Variants in SLC35F4 observed in about 807,000 individuals in gnomAD.
SLC35F4 encodes solute carrier family 35 member F4.
SLC35F4 carries 24 observed loss-of-function variants against 44.2 expected under a neutral mutation model. That is an observed-to-expected ratio of 0.54 (90% CI 0.39 to 0.76). The LOEUF (loss-of-function observed/expected upper bound fraction) is 0.76, where lower values mean the gene tolerates loss of function less well. SLC35F4 is among the 30% of genes least tolerant of loss of function. The pLI is 0.00. For missense variants in SLC35F4, 562 were observed against 586.1 expected, an observed-to-expected ratio of 0.96 and a Z score of 0.42; for synonymous variants, 238 against 223.6, an observed-to-expected ratio of 1.06 and a Z score of -0.57.
intron 1 of SLC35F4, among the ~76,000 whole-genome samples, chr14:57,651,602 A>T (rs1459621309): frequency 1.3e-5 from 2 of 152,148 alleles, no homozygotes; most frequent in Non-Finnish European, 1.5e-5. Flanking sequence ...CCCTTTGAGC[A>T]TGAGGAGAGC....
At position 57,569,860 on chromosome 14, in the gene SLC35F4, T is replaced by G; in HGVS notation, c.1054A>C (p.Lys352Gln). Residue 352 changes from lysine (K) to glutamine (Q), a missense_variant, in exon 6 of 8, where the codon AAG (lysine) becomes CAG (glutamine). Transcript: ENST00000556826. ...GCAAAAGAGGACCAGTGCTCCACCT[T>G]GGTGAAATACAAGATGACTGGGGTG... ...SFTPVILYFTKVEHWSSFAAL... is the reference protein window; with the variant it reads ...SFTPVILYFTQVEHWSSFAAL... 6.2e-7 allele frequency: 1 copy of G among 1,611,760 alleles called. No individual in the cohort carries two copies. The highest frequency in any genetic ancestry group is 8.5e-7 in the Non-Finnish European group (1 of 1,179,042).
intron 1 of SLC35F4, among the ~76,000 whole-genome samples, chr14:57,959,280 T>G (rs530512529): frequency 6.6e-6 from 1 of 152,346 alleles, no homozygotes; most frequent in East Asian, 1.9e-4. Context: ...GCTTCTCACT[T>G]ATGGTAGTAA....
At chr14:57,844,358 C>T (rs1039268133) in intron 1 of SLC35F4, among the ~76,000 whole-genome samples, 1 of 152,182 alleles carries the variant, frequency 6.6e-6, no homozygotes, top group Non-Finnish European at 1.5e-5. Context: ...CGGGGCAAGA[C>T]TGTAAGACCA....
chr14:57,917,346 A>C lies in SLC35F4; in HGVS notation n.282+64567T>G, dbSNP rs576295531. Reference sequence around the variant, plus strand: ...AGTGCTGGGATTACAGGCGTGAGTCACCACACCCAGCCCTCTCTGCTTACA... The same window carrying C: ...AGTGCTGGGATTACAGGCGTGAGTCCCCACACCCAGCCCTCTCTGCTTACA... On this transcript the variant is annotated intron_variant and non_coding_transcript_variant, in intron 1 of 1. Transcript: ENST00000556568. 2.6e-5 allele frequency among the ~76,000 whole-genome samples: 4 copies of C among 152,280 alleles called. No individual in the cohort carries two copies. In the South Asian group the frequency reaches 8.3e-4, roughly 32 times the overall value.
At chr14:57,848,532 G>A (rs1886232814) in intron 1 of SLC35F4, among the ~76,000 whole-genome samples, 1 of 152,132 alleles carries the variant, frequency 6.6e-6, no homozygotes, top group African/African-American at 2.4e-5. Context: ...GGTTCCCAAG[G>A]AAAAAGCCCA....
intron 1 of SLC35F4, among the ~76,000 whole-genome samples, chr14:57,640,437 C>T (rs1203126648): frequency 6.6e-6 from 1 of 152,042 alleles, no homozygotes; most frequent in African/African-American, 2.4e-5. Flanking sequence ...CAATTGCAGA[C>T]TTACAGCTGT....
intron 1 of SLC35F4, among the ~76,000 whole-genome samples, chr14:57,675,513 C>G (rs953096035): frequency 1.8e-4 from 27 of 152,108 alleles, no homozygotes; most frequent in African/African-American, 5.8e-4. Flanking sequence ...ATTTCTTTCT[C>G]TCGTCTGATT....
intron 3 of SLC35F4, among the ~76,000 whole-genome samples, chr14:57,587,084 G>A (rs1439985243): frequency 7.2e-5 from 11 of 152,152 alleles, no homozygotes; most frequent in Admixed American, 7.2e-4. Flanking sequence ...ACCATCTCAG[G>A]CCAGTTAGAA....
At chr14:57,820,195 T>C (rs1317491569) in intron 1 of SLC35F4, among the ~76,000 whole-genome samples, 1 of 152,198 alleles carries the variant, frequency 6.6e-6, no homozygotes, top group African/African-American at 2.4e-5. Flanking sequence ...TTTTAATGAA[T>C]TTTTGCTAGG....
chr14:57,825,602 C>T (rs1321212475), intron 1 of SLC35F4, among the ~76,000 whole-genome samples: 1 of 151,988 alleles, frequency 6.6e-6, no homozygotes, highest in Non-Finnish European at 1.5e-5. Context: ...TGACATGATC[C>T]CATATCTAGA....
At chr14:57,846,340 A>G in intron 1 of SLC35F4, among the ~76,000 whole-genome samples, 1 of 152,178 alleles carries the variant, frequency 6.6e-6, no homozygotes, top group East Asian at 1.9e-4. Context: ...TCCTTCCACA[A>G]GGATAAATTT....
chr14:57,937,586 G>GAGA (rs1555329470), intron 1 of SLC35F4, among the ~76,000 whole-genome samples: 1 of 114,012 alleles, frequency 8.8e-6, no homozygotes, highest in Non-Finnish European at 1.8e-5. Flanking sequence ...GAAAAGAAAA[G>GAGA]AAAGAAAAGA....
intron 1 of SLC35F4, among the ~76,000 whole-genome samples, chr14:57,674,888 T>C (rs2074639106): frequency 1.3e-5 from 2 of 152,072 alleles, no homozygotes; most frequent in South Asian, 2.1e-4. Flanking sequence ...GCATCTTCTA[T>C]AGTACTCTTT....
chr14:57,652,466 A>G (rs929633883), intron 1 of SLC35F4, among the ~76,000 whole-genome samples: 1 of 152,156 alleles, frequency 6.6e-6, no homozygotes, highest in Non-Finnish European at 1.5e-5. Context: ...CATTCAGATC[A>G]GTGGTTCTGA....
chr14:57,649,306 A>G (rs2073682328), intron 1 of SLC35F4, among the ~76,000 whole-genome samples: 1 of 152,156 alleles, frequency 6.6e-6, no homozygotes, highest in African/African-American at 2.4e-5. Context: ...GAAGTCTAAA[A>G]CTGATTGGCA....
At chr14:57,773,389 T>C (rs1043881050) in intron 1 of SLC35F4, among the ~76,000 whole-genome samples, 4 of 152,236 alleles carry the variant, frequency 2.6e-5, no homozygotes, top group Admixed American at 1.3e-4. Context: ...TAGCATCATC[T>C]ATTCCATTGA....
At chr14:57,716,564 CT>C (rs1396440110) in intron 1 of SLC35F4, among the ~76,000 whole-genome samples, 7 of 152,236 alleles carry the variant, frequency 4.6e-5, no homozygotes, top group African/African-American at 1.7e-4. Context: ...TTAACAATTA[CT>C]CAAAAATCCA....
intron 1 of SLC35F4, among the ~76,000 whole-genome samples, chr14:57,671,390 C>G (rs2074518265): frequency 6.6e-6 from 1 of 151,968 alleles, no homozygotes; most frequent in African/African-American, 2.4e-5. Flanking sequence ...AGGATACCGC[C>G]TCAGCTCCAG....
chr14:57,588,930 T>G (rs944206926), intron 3 of SLC35F4, among the ~76,000 whole-genome samples: 1 of 152,206 alleles, frequency 6.6e-6, no homozygotes, highest in Admixed American at 6.5e-5. Flanking sequence ...TTTCTGAATT[T>G]GTGTCCTCTT....
Sources: gnomAD v4.1 joint callset for allele counts (sites outside exome capture counted in the v4.1 genomes callset) on GRCh38, gnomAD v4.1.1 for gene constraint, MANE v1.5 for transcripts, NCBI Gene and HGNC (gene_info 2026-07-23, HGNC 2026-07-21) for gene names.